The following SCAND3 variants were observed in gnomAD, a reference collection of about 807,000 sequenced individuals.
The protein encoded by SCAND3 is SCAN domain-containing protein 3.
At chr6:28,603,033 G>C in the SCAND3 span, among the ~76,000 whole-genome samples, 1 of 147,550 alleles carries the variant, frequency 6.8e-6, no homozygotes, top group East Asian at 2.0e-4. Context: ...CGCGATCTCG[G>C]CTCACTGCAA....
chr6:28,598,488 C>G, the SCAND3 span, among the ~76,000 whole-genome samples: 2 of 151,990 alleles, frequency 1.3e-5, no homozygotes, highest in Non-Finnish European at 2.9e-5. Flanking sequence ...TCCATCCTCA[C>G]CATACAACTA....
the SCAND3 span, among the ~76,000 whole-genome samples, chr6:28,607,202 C>A: frequency 2.0e-5 from 3 of 152,136 alleles, no homozygotes; most frequent in Non-Finnish European, 4.4e-5. Flanking sequence ...TGTACGAGGT[C>A]CCGGGTTCAA....
the SCAND3 span, chr6:28,590,953 A>T: frequency 1.3e-5 from 2 of 152,088 alleles, no homozygotes; most frequent in East Asian, 3.9e-4. Context: ...CACTTTGTTG[A>T]TGTTAGCGTG....
At chr6:28,609,588 G>A in the SCAND3 span, among the ~76,000 whole-genome samples, 1 of 152,172 alleles carries the variant, frequency 6.6e-6, no homozygotes, top group Non-Finnish European at 1.5e-5. Flanking sequence ...ACACATCCAG[G>A]TCACAATTGG....
chr6:28,595,647 A>G, the SCAND3 span, among the ~76,000 whole-genome samples: 5 of 151,902 alleles, frequency 3.3e-5, no homozygotes, highest in African/African-American at 1.2e-4. Context: ...GCATGAACCC[A>G]GGAGGTGGAG....
the SCAND3 span, among the ~76,000 whole-genome samples, chr6:28,576,768 C>CTTT: frequency 1.4e-5 from 2 of 141,184 alleles, no homozygotes; most frequent in Non-Finnish European, 3.1e-5. Context: ...TATGCAAAGA[C>CTTT]TTTTTTTTTT....
chr6:28,600,866 GAC>G, the SCAND3 span, among the ~76,000 whole-genome samples: 2 of 150,326 alleles, frequency 1.3e-5, no homozygotes, highest in Admixed American at 1.3e-4. Context: ...TGTTTTCTGT[GAC>G]ACAGCCTCAG....
chr6:28,615,388 C>G, the SCAND3 span, among the ~76,000 whole-genome samples: 2 of 151,980 alleles, frequency 1.3e-5, no homozygotes, highest in Non-Finnish European at 2.9e-5. Flanking sequence ...CCGAGGTGGG[C>G]GGATCATTTG....
At chr6:28,599,210 C>T in the SCAND3 span, among the ~76,000 whole-genome samples, 148 of 152,280 alleles carry the variant, frequency 9.7e-4, no homozygotes, top group Admixed American at 2.4e-3. Context: ...TAGAAAAACT[C>T]AATATTGTCA....
chr6:28,575,487 C>CA, the SCAND3 span: 1 of 1,613,012 alleles, frequency 6.2e-7, no homozygotes, highest in Non-Finnish European at 8.5e-7. The surrounding 1 kb of genome is among the most constrained non-coding windows in gnomAD (Gnocchi z 4.2). Context: ...TTAATGACCG[C>CA]AAAAAAGTTA....
chr6:28,574,673 G>A, the SCAND3 span: 6 of 1,613,762 alleles, frequency 3.7e-6, no homozygotes, highest in Admixed American at 8.3e-5. Context: ...GGTGAAAATG[G>A]TGTCCCTGAT....
chr6:28,607,034 C>G, the SCAND3 span, among the ~76,000 whole-genome samples: 1 of 152,226 alleles, frequency 6.6e-6, no homozygotes, highest in African/African-American at 2.4e-5. Flanking sequence ...TTGTGCAGGA[C>G]CCAGCCTAGC....
At chr6:28,586,428 A>T in the SCAND3 span, 1 of 1,614,228 alleles carries the variant, frequency 6.2e-7, no homozygotes, top group Non-Finnish European at 8.5e-7. This position sits in a 1 kb window ranked among gnomAD's most constrained non-coding sequence, Gnocchi z 4.4. Flanking sequence ...GAACTGCTCC[A>T]GCACCAACAA....
At chr6:28,588,860 G>A in the SCAND3 span, among the ~76,000 whole-genome samples, 1 of 152,220 alleles carries the variant, frequency 6.6e-6, no homozygotes, top group Admixed American at 6.5e-5. The surrounding 1 kb of genome is among the most constrained non-coding windows in gnomAD (Gnocchi z 4.1). Context: ...CCAGAGGGAT[G>A]TTTATCGTGA....
chr6:28,574,777 G>A, the SCAND3 span: 1 of 1,614,126 alleles, frequency 6.2e-7, no homozygotes, highest in Non-Finnish European at 8.5e-7. Context: ...AAGGCTACAA[G>A]TTATTTGCCG....
the SCAND3 span, among the ~76,000 whole-genome samples, chr6:28,585,912 A>G: frequency 6.6e-6 from 1 of 152,240 alleles, no homozygotes. Flanking sequence ...AGATGAAGAC[A>G]TTAATGTCCC....
At chr6:28,575,817 A>T in the SCAND3 span, 35 of 1,613,908 alleles carry the variant, frequency 2.2e-5, no homozygotes, top group Non-Finnish European at 2.7e-5. The surrounding 1 kb of genome is among the most constrained non-coding windows in gnomAD (Gnocchi z 4.2). Flanking sequence ...ACCGTATTTT[A>T]TCTGTTTCCC....
the SCAND3 span, among the ~76,000 whole-genome samples, chr6:28,603,875 G>A: frequency 6.6e-6 from 1 of 152,138 alleles, no homozygotes; most frequent in Non-Finnish European, 1.5e-5. Flanking sequence ...GCTGGGACTC[G>A]CTGCTCCTGG....
At chr6:28,606,311 A>C in the SCAND3 span, among the ~76,000 whole-genome samples, 1 of 152,030 alleles carries the variant, frequency 6.6e-6, no homozygotes, top group South Asian at 2.1e-4. Flanking sequence ...AGAGAGGGAG[A>C]GATTTCAACG....
Sources: gnomAD v4.1 joint callset for allele counts (sites outside exome capture counted in the v4.1 genomes callset) on GRCh38, gnomAD v4.1.1 for gene constraint, Gnocchi (gnomAD v3.1) non-coding constraint, MANE v1.5 for transcripts, NCBI Gene and HGNC (gene_info 2026-07-23, HGNC 2026-07-21) for gene names.